Variants in DPP10 observed in about 807,000 individuals in gnomAD.
DPP10 encodes the protein inactive dipeptidyl peptidase 10.
Under a neutral mutation model 120.9 loss-of-function variants are expected in DPP10, and 33 were observed. The observed-to-expected ratio is 0.27, with a 90% CI of 0.21 to 0.37. DPP10 has a LOEUF of 0.37. Among genes scored for constraint, DPP10 ranks in the 10% least tolerant of loss-of-function variants. The pLI, the probability that DPP10 is intolerant of heterozygous loss-of-function variation, is 1.00. For synonymous variants in DPP10, 337 were observed against 326.1 expected (o/e 1.03, Z -0.36); for missense variants, 816 against 942.8 (o/e 0.87, Z 1.76).
rs557306807 is a variant in DPP10 at position 115,112,420 on chromosome 2, G to A, written c.61-196819G>A. ...TATGGTTTCTTTATAAACATTTATT[G>A]TTATTTTAATTGACAAAATTTGTAT... On this transcript the variant is annotated intron_variant, in intron 1 of 25. Transcript: ENST00000410059. Among the ~76,000 whole-genome samples the A allele has an allele frequency of 4.0e-5, 6 of 151,504 alleles. No individual in the cohort carries two copies. In the East Asian group the frequency reaches 1.2e-3, roughly 29 times the overall value.
intron 1 of DPP10, among the ~76,000 whole-genome samples, chr2:115,071,841 T>C (rs947441614): frequency 1.3e-5 from 2 of 152,118 alleles, no homozygotes; most frequent in Admixed American, 1.3e-4. Context: ...GTCAATAATC[T>C]AGGCACCTCA....
rs145248880 is a variant in DPP10, at chr2:114,445,534, C to CTGTGTGTG, written c.60+2736_60+2743dup. Among the ~76,000 whole-genome samples, 310 of 143,620 alleles carry CTGTGTGTG rather than the reference C, an allele frequency of 2.2e-3. 1 individual carries two copies. Among genetic ancestry groups the CTGTGTGTG allele is most frequent in the African/African-American group, 5.4e-3 (210 of 38,890 alleles). The allele number at this position is 143,620 out of a possible 152,430, so 94.2% of individuals were successfully genotyped here. A position where few individuals can be genotyped will look rare whatever the true frequency, so the allele number is the denominator to read the frequency against. ...GTGTGCAGGAGGAGGAAAAACAGCT[C>CTGTGTGTG]TGTGTGTGTGTGTGTGTGTGTGTGT... On this transcript the variant is annotated intron_variant, in intron 1 of 25. Coordinates refer to ENST00000410059, the MANE Select transcript of DPP10 (RefSeq NM_020868.6).
At chr2:115,531,148 G>GTT (rs58542777) in intron 5 of DPP10, among the ~76,000 whole-genome samples, 1,426 of 125,858 alleles carry the variant, frequency 0.011, 12 homozygotes, top group Non-Finnish European at 0.018. Flanking sequence ...TCAAGATTGA[G>GTT]TTTTTTTTTT....
At chr2:114,848,793 C>T (rs969905951) in intron 1 of DPP10, among the ~76,000 whole-genome samples, 2 of 152,144 alleles carry the variant, frequency 1.3e-5, no homozygotes, top group African/African-American at 2.4e-5. Flanking sequence ...CTTATGATGA[C>T]CTCTATGGGA....
chr2:115,685,198 A>G (rs570681073), intron 5 of DPP10, among the ~76,000 whole-genome samples: 5 of 152,108 alleles, frequency 3.3e-5, no homozygotes, highest in East Asian at 1.9e-4. Flanking sequence ...GTAAAGCACT[A>G]TGCAGAATCT....
At chr2:115,383,180 A>C (rs553337778) in intron 3 of DPP10, among the ~76,000 whole-genome samples, 9 of 152,264 alleles carry the variant, frequency 5.9e-5, no homozygotes, top group Admixed American at 2.6e-4. Context: ...TACCCACCCA[A>C]ATCTCATCTT....
At chr2:114,841,238 T>A (rs1161247056) in intron 1 of DPP10, among the ~76,000 whole-genome samples, 3 of 152,160 alleles carry the variant, frequency 2.0e-5, no homozygotes, top group African/African-American at 7.2e-5. Context: ...CCCCTTCATG[T>A]TGGTTTGTAG....
At chr2:115,460,937 A>G (rs191229367) in intron 3 of DPP10, among the ~76,000 whole-genome samples, 388 of 152,344 alleles carry the variant, frequency 2.5e-3, no homozygotes, top group Non-Finnish European at 3.6e-3. Context: ...ATAATGAGTC[A>G]GAGAAGTGAC....
At chr2:115,800,627 G>C (rs1440543354) in intron 19 of DPP10, among the ~76,000 whole-genome samples, 1 of 152,104 alleles carries the variant, frequency 6.6e-6, no homozygotes. Flanking sequence ...GTGTAAGGGA[G>C]GGATCCAGTT....
intron 7 of DPP10, among the ~76,000 whole-genome samples, chr2:115,715,577 A>G (rs1421612322): frequency 6.6e-6 from 1 of 152,042 alleles, no homozygotes; most frequent in Admixed American, 6.6e-5. Flanking sequence ...TATCCTTCTC[A>G]TGTTAAATTG....
chr2:115,592,615 G>A (rs2082734745), intron 5 of DPP10, among the ~76,000 whole-genome samples: 1 of 151,882 alleles, frequency 6.6e-6, no homozygotes, highest in African/African-American at 2.4e-5. Context: ...AATTAGCTGG[G>A]CGTGGTGGCT....
intron 1 of DPP10, among the ~76,000 whole-genome samples, chr2:115,259,509 A>C (rs371772067): frequency 6.6e-6 from 1 of 152,002 alleles, no homozygotes; most frequent in Non-Finnish European, 1.5e-5. Context: ...GAAAGAAAGA[A>C]TAGCAAAAGA....
At chr2:114,565,325 T>C (rs954781214) in intron 1 of DPP10, among the ~76,000 whole-genome samples, 3 of 152,178 alleles carry the variant, frequency 2.0e-5, no homozygotes, top group African/African-American at 7.2e-5. Flanking sequence ...CAAATACCTA[T>C]TGGATTGGAT....
chr2:115,311,155 G>C (rs1479510582), intron 2 of DPP10, among the ~76,000 whole-genome samples: 1 of 152,204 alleles, frequency 6.6e-6, no homozygotes, highest in Non-Finnish European at 1.5e-5. Flanking sequence ...ACATACCTGA[G>C]TTTGAGTTCT....
chr2:114,675,155 C>T (rs1398013327), intron 1 of DPP10, among the ~76,000 whole-genome samples: 1 of 152,088 alleles, frequency 6.6e-6, no homozygotes, highest in African/African-American at 2.4e-5. Flanking sequence ...CTGATCTCTT[C>T]CTCTTGTTAA....
intron 5 of DPP10, among the ~76,000 whole-genome samples, chr2:115,676,635 T>G (rs1398707465): frequency 6.6e-6 from 1 of 151,982 alleles, no homozygotes; most frequent in Non-Finnish European, 1.5e-5. Flanking sequence ...TTGAGATAAA[T>G]GCATTAGCCA....
chr2:114,865,978 C>T (rs1037209917), intron 1 of DPP10, among the ~76,000 whole-genome samples: 7 of 151,782 alleles, frequency 4.6e-5, no homozygotes, highest in African/African-American at 1.7e-4. Context: ...CGGGCGTGGT[C>T]GTGCATGCCT....
At chr2:114,848,411 C>T (rs1688703671) in intron 1 of DPP10, among the ~76,000 whole-genome samples, 1 of 152,108 alleles carries the variant, frequency 6.6e-6, no homozygotes, top group South Asian at 2.1e-4. Flanking sequence ...GCACATGGCA[C>T]TCAAAGAGTA....
chr2:115,176,230 T>C (rs1218786793), intron 1 of DPP10, among the ~76,000 whole-genome samples: 2 of 149,410 alleles, frequency 1.3e-5, no homozygotes, highest in African/African-American at 4.9e-5. Context: ...ATTTTGTGTC[T>C]ATACTATTTA....
Sources: allele counts gnomAD v4.1 joint callset (sites outside exome capture counted in the v4.1 genomes callset), GRCh38; gene constraint gnomAD v4.1.1; transcripts MANE v1.5; gene names NCBI Gene and HGNC (gene_info 2026-07-23, HGNC 2026-07-21).